DOP1B: variants seen among roughly 807,000 people sequenced by gnomAD.
DOP1B encodes the protein DOP1 leucine zipper like protein B, also known as protein DOP1B.
A neutral mutation model predicts 233.5 loss-of-function variants in DOP1B; 174 were observed. The ratio of observed to expected loss-of-function variants is 0.75; its 90% CI spans 0.66 to 0.85. The LOEUF is 0.85. Ranked by LOEUF, DOP1B falls within the 40% of genes least tolerant of loss-of-function variation. The pLI is 0.00. For missense variants in DOP1B, 2,652 were observed against 2,846.6 expected (o/e 0.93, Z 1.56); for synonymous variants, 1,190 against 1,185.6 (o/e 1.00, Z -0.08).
At chr21:36,229,844 G>T (rs1010182708) in intron 13 of DOP1B, among the ~76,000 whole-genome samples, 4 of 150,624 alleles carry the variant, frequency 2.7e-5, no homozygotes, top group Admixed American at 2.0e-4. Flanking sequence ...TGTATTTTTA[G>T]TAGAGATGGG....
At chr21:36,233,917 G>C (rs1348543188) in intron 15 of DOP1B, among the ~76,000 whole-genome samples, 1 of 152,084 alleles carries the variant, frequency 6.6e-6, no homozygotes, top group Non-Finnish European at 1.5e-5. Context: ...GCAGTGGCAC[G>C]ATCTCGGCTC....
intron 15 of DOP1B, among the ~76,000 whole-genome samples, chr21:36,236,964 T>C (rs2066834809): frequency 6.6e-6 from 1 of 151,992 alleles, no homozygotes; most frequent in African/African-American, 2.4e-5. Context: ...TTTGTATTTT[T>C]AGTAGAGTTG....
At chr21:36,244,767 C>T (rs550967986) in intron 18 of DOP1B, among the ~76,000 whole-genome samples, 1 of 152,194 alleles carries the variant, frequency 6.6e-6, no homozygotes, top group South Asian at 2.1e-4. Flanking sequence ...AAAAATAATA[C>T]GTATTTTTAA....
intron 33 of DOP1B, among the ~76,000 whole-genome samples, chr21:36,288,424 A>G (rs2067513978): frequency 6.6e-6 from 1 of 152,086 alleles, no homozygotes; most frequent in Admixed American, 6.6e-5. Context: ...TGGGCGTGGT[A>G]GCTTATGCCT....
intron 1 of DOP1B, among the ~76,000 whole-genome samples, chr21:36,163,139 G>A (rs1410657656): frequency 6.6e-6 from 1 of 152,028 alleles, no homozygotes; most frequent in East Asian, 1.9e-4. Context: ...GAGGTCAGGA[G>A]TTCAAGACCA....
chr21:36,246,116 A>G lies in DOP1B; in HGVS notation c.4136A>G (p.Gln1379Arg), dbSNP rs750085978. 5.0e-6 allele frequency: 8 copies of G among 1,614,126 alleles called. No homozygotes were observed. Among genetic ancestry groups the G allele is most frequent in the Admixed American group, 1.7e-5 (1 of 60,024 alleles). ...GTGGAGTTCATCCACAGCTTGCTGC[A>G]GAGGTGCAAAGTTCAGGAGTTTGTC... ...KNVEFIHSLL[Q>R]RCKVQEFVLL... is the part of the protein sequence containing the mutation. Residue 1379 changes from glutamine to arginine, a missense_variant, in exon 19 of 37, where the codon CAG becomes CGG. By Grantham distance (43) the Gln-to-Arg change is conservative (BLOSUM62 1). Around this residue, in one of 3 missense-constraint regions of DOP1B, gnomAD observed 2,617 missense variants for 2,794.3 expected, o/e 0.94. Transcript: ENST00000691173. This position sits in a 1 kb window ranked among gnomAD's most constrained non-coding sequence, Gnocchi z 5.1.
intron 15 of DOP1B, among the ~76,000 whole-genome samples, chr21:36,234,456 T>C (rs1015731273): frequency 6.6e-6 from 1 of 152,210 alleles, no homozygotes; most frequent in Non-Finnish European, 1.5e-5. Flanking sequence ...GAGGGAAGCT[T>C]TTCCAAGTTC....
In DOP1B at chr21:36,225,618, T is replaced by C. The variant is rs779131422; in HGVS notation, c.1424T>C (p.Val475Ala). ...AACAGCGTCAGCCCTCCCCCCACGG[T>C]CTCGGAGCTCTGCGCCCTCCTGGTC... ...VRNSVSPPPT[V>A]SELCALLVFL... The change falls in exon 12 of 37, where the codon GTC becomes GCC. Residue 475 changes from valine to alanine, a missense_variant. By Grantham distance (64) the Val-to-Ala change is moderately conservative. Around this residue, in one of 3 missense-constraint regions of DOP1B, gnomAD observed 2,617 missense variants for 2,794.3 expected, o/e 0.94. Transcript: ENST00000691173. The C allele has an allele frequency of 2.5e-6, 4 of 1,614,162 alleles. No homozygotes were observed. In the East Asian group the frequency reaches 8.9e-5, roughly 36 times the overall value.
At chr21:36,224,038 C>T (rs1359797002) in intron 11 of DOP1B, among the ~76,000 whole-genome samples, 3 of 152,156 alleles carry the variant, frequency 2.0e-5, no homozygotes, top group Non-Finnish European at 4.4e-5. Flanking sequence ...CACTTTTCTG[C>T]CCAAATAAGC....
chr21:36,233,046 G>A lies in DOP1B; in HGVS notation c.2593G>A (p.Val865Ile), dbSNP rs573434141. 4 of 1,614,090 alleles carry A rather than the reference G, an allele frequency of 2.5e-6. No homozygotes were observed. Among genetic ancestry groups the A allele is most frequent in the South Asian group, 2.2e-5 (2 of 91,092 alleles). The change falls in exon 15 of 37, where the codon GTC (valine) becomes ATC (isoleucine). Residue 865 changes from valine to isoleucine, a missense_variant. Physicochemically the swap from Val to Ile is conservative, Grantham distance 29 (BLOSUM62 3). Coordinates refer to ENST00000691173, the MANE Select transcript of DOP1B (RefSeq NM_001320714.2). ...VPPIAPGILK[V>I]IAEKTDFYQR... ...TCCCATTGCTCCAGGGATATTGAAA[G>A]TCATTGCAGAGAAAACAGATTTCTA...
chr21:36,185,688 T>C (rs1050874128), intron 2 of DOP1B, among the ~76,000 whole-genome samples: 4 of 152,184 alleles, frequency 2.6e-5, no homozygotes, highest in African/African-American at 4.8e-5. Context: ...GAATAAAATA[T>C]AAGTCTAGAA....
chr21:36,262,920 T>TA (rs148362831), intron 24 of DOP1B, among the ~76,000 whole-genome samples: 35,953 of 143,786 alleles, frequency 0.25, 5,085 homozygotes, highest in Non-Finnish European at 0.32. Flanking sequence ...AATAAATAAA[T>TA]AAATAAAATA....
chr21:36,213,118 T>A (rs2066519481), intron 7 of DOP1B, among the ~76,000 whole-genome samples: 1 of 152,194 alleles, frequency 6.6e-6, no homozygotes, highest in South Asian at 2.1e-4. Context: ...AGTCAAGAAG[T>A]CCTCTTCAGT....
At chr21:36,162,334 A>G (rs540084119) in intron 1 of DOP1B, among the ~76,000 whole-genome samples, 39 of 152,284 alleles carry the variant, frequency 2.6e-4, no homozygotes, top group African/African-American at 5.5e-4. Context: ...ACCTGGGACT[A>G]TAGGCATGTG....
At chr21:36,189,548 A>G (rs1186297701) in intron 2 of DOP1B, among the ~76,000 whole-genome samples, 2 of 152,122 alleles carry the variant, frequency 1.3e-5, no homozygotes, top group East Asian at 3.9e-4. Flanking sequence ...CCTGGCCAAT[A>G]TGGTGAAACC....
intron 2 of DOP1B, among the ~76,000 whole-genome samples, chr21:36,168,555 ACTCG>A (rs1200577395): frequency 6.7e-6 from 1 of 149,226 alleles, no homozygotes; most frequent in Non-Finnish European, 1.5e-5. Flanking sequence ...TTTTTTTGAC[ACTCG>A]CTCTGTTGCC....
chr21:36,224,049 T>C (rs1260015622), intron 11 of DOP1B, among the ~76,000 whole-genome samples: 1 of 152,062 alleles, frequency 6.6e-6, no homozygotes, highest in Non-Finnish European at 1.5e-5. Context: ...CCAAATAAGC[T>C]CACAACCCTG....
chr21:36,260,897 T>C (rs1299041632), intron 24 of DOP1B, 165 bp downstream of exon 24: 6 of 1,440,422 alleles, frequency 4.2e-6, no homozygotes, highest in Non-Finnish European at 4.5e-6. Flanking sequence ...ATCTATGCTT[T>C]TCCTTCTCCA....
chr21:36,198,962 C>G, intron 2 of DOP1B, 108 bp from the exon 3 acceptor site: 1 of 1,214,744 alleles, frequency 8.2e-7, no homozygotes, highest in Non-Finnish European at 1.1e-6. Context: ...CTCTTTCTTA[C>G]AGCCACACTG....
Sources: allele counts gnomAD v4.1 joint callset (sites outside exome capture counted in the v4.1 genomes callset), GRCh38; gene constraint gnomAD v4.1.1; regional missense constraint gnomAD v4.1.1; non-coding constraint Gnocchi (gnomAD v3.1); transcripts MANE v1.5; gene names NCBI Gene and HGNC (gene_info 2026-07-23, HGNC 2026-07-21).